The following VWC2L variants were observed in gnomAD, a reference collection of about 807,000 sequenced individuals.
VWC2L encodes von Willebrand factor C domain-containing protein 2-like.
VWC2L carries 10 observed loss-of-function variants against 21.6 expected under a neutral mutation model. That is an observed-to-expected ratio of 0.46 (90% CI 0.29 to 0.78). VWC2L has a LOEUF of 0.78. Among genes scored for constraint, VWC2L ranks in the 30% least tolerant of loss-of-function variants. The probability of loss-of-function intolerance (pLI) is 0.10; values close to 1 mark genes in which losing one functional copy is unlikely to be tolerated. For synonymous variants in VWC2L, 96 were observed against 94.3 expected (o/e 1.02, Z -0.10); for missense variants, 209 against 277.1 (o/e 0.75, Z 1.74).
At chr2:214,537,063 C>CA (rs1473733944) in intron 3 of VWC2L, among the ~76,000 whole-genome samples, 1 of 151,724 alleles carries the variant, frequency 6.6e-6, no homozygotes, top group Non-Finnish European at 1.5e-5. Context: ...CTCATTCTTC[C>CA]AAAAGACTTA....
intron 3 of VWC2L, among the ~76,000 whole-genome samples, chr2:214,545,325 C>A (rs1053377213): frequency 6.6e-6 from 1 of 152,200 alleles, no homozygotes; most frequent in Non-Finnish European, 1.5e-5. Flanking sequence ...TCTTTAAGTA[C>A]TCTTTGCCAA....
chr2:214,449,760 A>G (rs920107869), intron 3 of VWC2L, among the ~76,000 whole-genome samples: 6 of 152,330 alleles, frequency 3.9e-5, no homozygotes, highest in African/African-American at 1.4e-4. Context: ...AAGTTCCTGC[A>G]TACATACTTA....
intron 3 of VWC2L, among the ~76,000 whole-genome samples, chr2:214,440,401 T>G (rs961539349): frequency 3.9e-5 from 6 of 152,078 alleles, no homozygotes; most frequent in African/African-American, 1.2e-4. Flanking sequence ...ATTTTCAGAC[T>G]GTTTTTCTTT....
chr2:214,567,547 TACACACACACACACACAC>T lies in VWC2L; in HGVS notation c.521-8093_521-8076del, dbSNP rs71409879. On this transcript the variant is annotated intron_variant, in intron 3 of 3. Transcript: ENST00000312504. ...TCATCCATTCACCCCTTCATCCACA[TACACACACACACACACAC>T]ACACACACACACACACACACACACA... is the stretch of plus-strand genomic sequence containing the variant. Among the ~76,000 whole-genome samples the T allele has an allele frequency of 1.8e-3, 220 of 119,930 alleles. 3 individuals carry two copies. Among genetic ancestry groups the T allele is most frequent in the South Asian group, 0.01 (34 of 3,380 alleles). The allele number at this position is 119,930 out of a possible 152,430, so 78.7% of individuals were successfully genotyped here. A position where few individuals can be genotyped will look rare whatever the true frequency, so the allele number is the denominator to read the frequency against.
At chr2:214,563,669 A>G (rs1690017143) in intron 3 of VWC2L, among the ~76,000 whole-genome samples, 1 of 151,860 alleles carries the variant, frequency 6.6e-6, no homozygotes, top group Admixed American at 6.6e-5. Context: ...TCAATAAACC[A>G]GGTATTGAAG....
At chr2:214,499,918 G>A (rs886669629) in intron 3 of VWC2L, among the ~76,000 whole-genome samples, 2 of 152,174 alleles carry the variant, frequency 1.3e-5, no homozygotes, top group Non-Finnish European at 2.9e-5. Context: ...TCAAAAGTAG[G>A]GAGAGTGAGT....
chr2:214,421,332 G>T (rs746815451), intron 2 of VWC2L, among the ~76,000 whole-genome samples: 92 of 152,174 alleles, frequency 6.0e-4, no homozygotes, highest in Non-Finnish European at 8.7e-4. Flanking sequence ...AATTCCCAAA[G>T]GAGTGAAATA....
chr2:214,549,647 T>A (rs1689761796), intron 3 of VWC2L, among the ~76,000 whole-genome samples: 1 of 152,080 alleles, frequency 6.6e-6, no homozygotes, highest in African/African-American at 2.4e-5. Flanking sequence ...GTGGTGTACA[T>A]CTGTAATCCC....
intron 3 of VWC2L, among the ~76,000 whole-genome samples, chr2:214,502,347 G>A (rs947474889): frequency 3.3e-5 from 5 of 152,094 alleles, no homozygotes; most frequent in Admixed American, 6.6e-5. Flanking sequence ...TGAGGCAGGC[G>A]GATCATGAGT....
At chr2:214,536,851 C>G (rs1689539174) in intron 3 of VWC2L, 1 of 151,988 alleles carries the variant, frequency 6.6e-6, no homozygotes, top group Non-Finnish European at 1.5e-5. Context: ...TTCCCAATAG[C>G]AACTATCACT....
intron 1 of VWC2L, among the ~76,000 whole-genome samples, chr2:214,413,755 G>C (rs773279218): frequency 1.3e-5 from 2 of 152,010 alleles, no homozygotes; most frequent in Non-Finnish European, 2.9e-5. Context: ...AAGAATAATA[G>C]AAAATGTGAG....
chr2:214,458,920 T>C lies in VWC2L; in HGVS notation c.520+22162T>C, dbSNP rs191920498. On this transcript the variant is annotated intron_variant, in intron 3 of 3. Coordinates refer to ENST00000312504, the MANE Select transcript of VWC2L (RefSeq NM_001080500.4). ...GCTGTTGGATAAAATATTCTGTAAATGTCTGTTAGGTCCATTTGGTCTAAT... is the reference window on the plus strand; with the variant it reads ...GCTGTTGGATAAAATATTCTGTAAACGTCTGTTAGGTCCATTTGGTCTAAT... Among the ~76,000 whole-genome samples, 200 of 152,330 alleles carry C rather than the reference T, an allele frequency of 1.3e-3. 1 individual carries two copies. The highest frequency in any genetic ancestry group is 4.7e-3 in the African/African-American group (194 of 41,576).
At chr2:214,559,607 C>CT (rs1574636344) in intron 3 of VWC2L, among the ~76,000 whole-genome samples, 1 of 142,284 alleles carries the variant, frequency 7.0e-6, no homozygotes, top group African/African-American at 2.9e-5. Context: ...CCATTCTTTT[C>CT]TTTTTTCATT....
intron 3 of VWC2L, among the ~76,000 whole-genome samples, chr2:214,459,266 C>G (rs1046172772): frequency 3.3e-5 from 5 of 152,192 alleles, no homozygotes; most frequent in Admixed American, 2.6e-4. Flanking sequence ...AGTGGAATGA[C>G]TTCTTCCATC....
In VWC2L at chr2:214,522,179, C is replaced by T. The variant is rs373382877; in HGVS notation, c.521-53493C>T. Among the ~76,000 whole-genome samples the T allele has an allele frequency of 1.6e-3, 245 of 151,940 alleles. 1 individual carries two copies. Among genetic ancestry groups the T allele is most frequent in the African/African-American group, 5.7e-3 (237 of 41,460 alleles). On this transcript the variant is annotated intron_variant, in intron 3 of 3. Transcript: ENST00000312504. ...TCACGAGGTCAGGAGATCAAGACCA[C>T]CCTGGCTAACACGGTGAAACCCCGT...
intron 3 of VWC2L, among the ~76,000 whole-genome samples, chr2:214,509,885 T>C (rs775216169): frequency 1.3e-5 from 2 of 152,250 alleles, no homozygotes; most frequent in Non-Finnish European, 2.9e-5. Flanking sequence ...AATTTAAGGA[T>C]GGCCTTTTGA....
chr2:214,545,160 G>A (rs1013493113), intron 3 of VWC2L, among the ~76,000 whole-genome samples: 1 of 152,042 alleles, frequency 6.6e-6, no homozygotes. Flanking sequence ...TAAAATAAAA[G>A]GGCAAAGTAG....
intron 3 of VWC2L, among the ~76,000 whole-genome samples, chr2:214,572,248 G>C (rs1415443211): frequency 6.6e-6 from 1 of 152,128 alleles, no homozygotes; most frequent in Non-Finnish European, 1.5e-5. Flanking sequence ...ACCCCAGAAG[G>C]AGGAGAGAAC....
intron 3 of VWC2L, among the ~76,000 whole-genome samples, chr2:214,547,851 A>G (rs537075009): frequency 6.6e-6 from 1 of 152,288 alleles, no homozygotes; most frequent in Non-Finnish European, 1.5e-5. Context: ...TCTCATACTA[A>G]TAGTTGGAAA....
Sources: allele counts gnomAD v4.1 joint callset (sites outside exome capture counted in the v4.1 genomes callset), GRCh38; gene constraint gnomAD v4.1.1; transcripts MANE v1.5; gene names NCBI Gene and HGNC (gene_info 2026-07-23, HGNC 2026-07-21).